SYN3: variants seen among roughly 807,000 people sequenced by gnomAD.
SYN3 encodes the protein synapsin-3.
A neutral mutation model predicts 65.8 loss-of-function variants in SYN3; 35 were observed. The ratio of observed to expected loss-of-function variants is 0.53; its 90% confidence interval spans 0.41 to 0.70. SYN3 has a LOEUF of 0.70. Among genes scored for constraint, SYN3 ranks in the 30% least tolerant of loss-of-function variants. The pLI is 0.00. For missense variants in SYN3, 680 were observed against 749.0 expected (o/e 0.91, Z 1.08); for synonymous variants, 270 against 292.9 (o/e 0.92, Z 0.80).
At chr22:32,742,335 C>CAG (rs2044797640) in intron 6 of SYN3, among the ~76,000 whole-genome samples, 1 of 152,126 alleles carries the variant, frequency 6.6e-6, no homozygotes. Flanking sequence ...CCCTTAGTCA[C>CAG]ACAGCCCAGA....
At chr22:33,008,628 T>G (rs923836621) in intron 1 of SYN3, among the ~76,000 whole-genome samples, 2 of 152,064 alleles carry the variant, frequency 1.3e-5, no homozygotes, top group East Asian at 3.9e-4. Flanking sequence ...TGATAAAAAT[T>G]TGAGGTCAGG....
At chr22:32,647,563 C>T (rs1027714208) in intron 6 of SYN3, among the ~76,000 whole-genome samples, 6 of 152,110 alleles carry the variant, frequency 3.9e-5, no homozygotes, top group Admixed American at 3.9e-4. Context: ...CCTCCTGCCT[C>T]AGACTCCTGA....
intron 1 of SYN3, among the ~76,000 whole-genome samples, chr22:33,017,439 G>A (rs2053486171): frequency 6.6e-6 from 1 of 152,156 alleles, no homozygotes; most frequent in South Asian, 2.1e-4. Flanking sequence ...TGTTGATAGG[G>A]ATTGCATTGA....
intron 6 of SYN3, among the ~76,000 whole-genome samples, chr22:32,665,548 A>G (rs1429968565): frequency 1.3e-5 from 2 of 151,256 alleles, no homozygotes; most frequent in African/African-American, 2.4e-5. Context: ...CATTAATTTC[A>G]TTGATTAATA....
At chr22:32,896,666 T>C (rs987518989) in intron 4 of SYN3, among the ~76,000 whole-genome samples, 1 of 152,240 alleles carries the variant, frequency 6.6e-6, no homozygotes, top group Admixed American at 6.5e-5. Context: ...TAACATTTCA[T>C]AGTGTTTTAT....
chr22:32,571,885 G>A (rs2058763462), intron 7 of SYN3, among the ~76,000 whole-genome samples: 1 of 151,896 alleles, frequency 6.6e-6, no homozygotes, highest in African/African-American at 2.4e-5. Flanking sequence ...GGGTTTAGTT[G>A]GTATTTGTTG....
chr22:32,744,203 G>A (rs140504925), intron 6 of SYN3, among the ~76,000 whole-genome samples: 108 of 152,206 alleles, frequency 7.1e-4, no homozygotes, highest in Non-Finnish European at 1.3e-3. Context: ...TTTACCAGAA[G>A]TTTAAGCAAA....
intron 6 of SYN3, among the ~76,000 whole-genome samples, chr22:32,762,001 C>T (rs2045494525): frequency 6.6e-6 from 1 of 152,148 alleles, no homozygotes; most frequent in African/African-American, 2.4e-5. Flanking sequence ...CTGAGTGCCA[C>T]CTGTCCTTAG....
Position 32,619,154 on chromosome 22 carries a change from AT to A in SYN3, c.712-22419del, listed in dbSNP as rs560397708. On this transcript the variant is annotated intron_variant, in intron 6 of 13. Transcript: ENST00000358763. The stretch of plus-strand genomic sequence containing the variant: ...GCCCCACCCCAGACCGGCTGCTCAG[AT>A]TCTGCATTTTCACAGCATGCTTAGG... Among the ~76,000 whole-genome samples the A allele has an allele frequency of 3.5e-4, 53 of 152,224 alleles. No homozygotes were observed. In the East Asian group the frequency reaches 4.1e-3, roughly 12 times the overall value.
intron 9 of SYN3, among the ~76,000 whole-genome samples, chr22:32,535,372 CACAA>C (rs1181345185): frequency 1.3e-5 from 2 of 152,320 alleles, no homozygotes; most frequent in East Asian, 3.9e-4. Context: ...GAGTTAAACG[CACAA>C]ACAGCCAGAC....
chr22:32,905,608 T>C (rs2049880627), intron 4 of SYN3, among the ~76,000 whole-genome samples: 1 of 152,246 alleles, frequency 6.6e-6, no homozygotes, highest in South Asian at 2.1e-4. Flanking sequence ...CATGATTCTA[T>C]CTGGTTAAAG....
intron 1 of SYN3, among the ~76,000 whole-genome samples, chr22:33,048,728 C>G (rs2054110051): frequency 6.6e-6 from 1 of 152,122 alleles, no homozygotes; most frequent in African/African-American, 2.4e-5. Context: ...GAACCTTGAG[C>G]CAAATAAACC....
chr22:32,958,394 T>C (rs1180125949), intron 3 of SYN3, among the ~76,000 whole-genome samples: 1 of 152,200 alleles, frequency 6.6e-6, no homozygotes, highest in Non-Finnish European at 1.5e-5. Flanking sequence ...AGGGTGGTGA[T>C]GACAATAATT....
At chr22:32,587,878 A>G (rs546477031) in intron 7 of SYN3, among the ~76,000 whole-genome samples, 1 of 152,236 alleles carries the variant, frequency 6.6e-6, no homozygotes, top group Admixed American at 6.5e-5. Flanking sequence ...CTGTACCTGC[A>G]TGGCGGAGTG....
chr22:32,934,940 A>G (rs2146715374), intron 3 of SYN3, among the ~76,000 whole-genome samples: 1 of 152,320 alleles, frequency 6.6e-6, no homozygotes, highest in African/African-American at 2.4e-5. Context: ...TGATGCTGCC[A>G]CAAGCCAAGA....
At chr22:32,954,410 G>A (rs1357937382) in intron 3 of SYN3, among the ~76,000 whole-genome samples, 1 of 144,960 alleles carries the variant, frequency 6.9e-6, no homozygotes, top group Non-Finnish European at 1.6e-5. Flanking sequence ...TACCTGCAGT[G>A]GATAGGGCAA....
intron 8 of SYN3, among the ~76,000 whole-genome samples, chr22:32,538,793 G>A (rs927975385): frequency 3.3e-5 from 5 of 152,036 alleles, no homozygotes; most frequent in African/African-American, 1.2e-4. Flanking sequence ...TAGACTGCCC[G>A]GTACTACGCC....
At chr22:32,691,770 A>T (rs56733732) in intron 6 of SYN3, among the ~76,000 whole-genome samples, 5,057 of 152,028 alleles carry the variant, frequency 0.033, 255 homozygotes, top group African/African-American at 0.11. Flanking sequence ...CATGGGGCAG[A>T]GAGAGAGGGG....
At chr22:33,046,876 C>G (rs2054074775) in intron 1 of SYN3, among the ~76,000 whole-genome samples, 1 of 150,464 alleles carries the variant, frequency 6.6e-6, no homozygotes, top group African/African-American at 2.4e-5. Context: ...AATCCAAACT[C>G]CTTTCCACAG....
Sources: allele counts gnomAD v4.1 joint callset (sites outside exome capture counted in the v4.1 genomes callset), GRCh38; gene constraint gnomAD v4.1.1; transcripts MANE v1.5; gene names NCBI Gene and HGNC (gene_info 2026-07-23, HGNC 2026-07-21).